The following ZNF578 variants were observed in gnomAD, a reference collection of about 807,000 sequenced individuals.
ZNF578 encodes the protein Putative chemokine-related protein B42.
ZNF578 carries 8 observed loss-of-function variants against 8.3 expected under a neutral mutation model. The observed-to-expected ratio is 0.96, with a 90% CI of 0.56 to 1.74. The LOEUF is 1.74. Ranked by LOEUF, ZNF578 falls within the 40% of genes most tolerant of loss-of-function variation. ZNF578 has a pLI of 0.00. For synonymous variants in ZNF578, 206 were observed against 232.2 expected (o/e 0.89, Z 1.03); for missense variants, 726 against 707.5 (o/e 1.03, Z -0.30).
At chr19:52,488,001 C>T (rs999481883) in intron 2 of ZNF578, among the ~76,000 whole-genome samples, 2 of 147,114 alleles carry the variant, frequency 1.4e-5, no homozygotes, top group African/African-American at 2.5e-5. Context: ...GTTGCCCAGG[C>T]TGGAGTGCGA....
chr19:52,463,445 G>C lies in ZNF578; in HGVS notation c.-122+6487G>C, dbSNP rs143578218. 1.6e-4 allele frequency among the ~76,000 whole-genome samples: 25 copies of C among 152,296 alleles called. No homozygotes were observed. The East Asian group carries it at 4.8e-3, about 29-fold the overall frequency. The stretch of plus-strand genomic sequence containing the variant: ...CAGTTCTTTGATGTGGTAATTGCCT[G>C]GCACTGAGGTAAGTCAAAATTTGGG... On this transcript the variant is annotated intron_variant, in intron 2 of 5. Transcript: ENST00000421239.
Position 52,511,137 on chromosome 19 carries a change from C to A in ZNF578, c.756C>A (p.Ile252=). ...CSSFVRKHQI[I]HLGEKQYKFD... Reference sequence around the variant, plus strand: ...CATTTGTAAGGAAACATCAGATAATCCATTTAGGAGAAAAACAATATAAAT... The same window carrying A: ...CATTTGTAAGGAAACATCAGATAATACATTTAGGAGAAAAACAATATAAAT... The change falls in exon 6 of 6, where the codon ATC becomes ATA. Residue 252 remains isoleucine (I), a synonymous_variant. Transcript: ENST00000421239. 1 of 1,614,096 alleles carries A rather than the reference C, an allele frequency of 6.2e-7. No individual in the cohort carries two copies. The highest frequency in any genetic ancestry group is 1.1e-5 in the South Asian group (1 of 91,076).
intron 2 of ZNF578, among the ~76,000 whole-genome samples, chr19:52,480,900 GATA>G (rs57989857): frequency 0.063 from 8,819 of 139,226 alleles, 280 homozygotes; most frequent in Middle Eastern, 0.085. Context: ...CATCTCAAAA[GATA>G]ATAATAATAA....
chr19:52,513,337 C>CTTTTTTTTTTTTTTTT lies in ZNF578; in HGVS notation c.*1192_*1207dup. Among the ~76,000 whole-genome samples, 1 of 101,342 alleles carries CTTTTTTTTTTTTTTTT rather than the reference C, an allele frequency of 9.9e-6. No homozygotes were observed. Among genetic ancestry groups the CTTTTTTTTTTTTTTTT allele is most frequent in the Non-Finnish European group, 2.0e-5 (1 of 51,050 alleles). The allele number at this position is 101,342 out of a possible 152,430, so 66.5% of individuals were successfully genotyped here. On this transcript the variant is annotated 3_prime_UTR_variant, in exon 6 of 6. Coordinates refer to ENST00000421239, the MANE Select transcript of ZNF578 (RefSeq NM_001099694.2). ...GCGCCTGGCATTGTTTCTTCTTTTC[C>CTTTTTTTTTTTTTTTT]TTTTTTTTTTTTTTTTTTTTTTTTG...
At chr19:52,462,645 C>T (rs2059262558) in intron 2 of ZNF578, among the ~76,000 whole-genome samples, 1 of 152,148 alleles carries the variant, frequency 6.6e-6, no homozygotes. Context: ...CTGGGTCAGC[C>T]TCTTGATGTG....
chr19:52,491,936 G>C (rs1158739422), intron 3 of ZNF578, among the ~76,000 whole-genome samples: 1 of 151,654 alleles, frequency 6.6e-6, no homozygotes, highest in Non-Finnish European at 1.5e-5. Context: ...TGAGGAGGGC[G>C]GATCACGAAG....
At chr19:52,484,311 C>T (rs907570250) in intron 2 of ZNF578, among the ~76,000 whole-genome samples, 1 of 152,168 alleles carries the variant, frequency 6.6e-6, no homozygotes, top group Non-Finnish European at 1.5e-5. Flanking sequence ...TTGCCAGGGA[C>T]GAGTGGGAGA....
At chr19:52,504,628 T>C in intron 4 of ZNF578, 27 bp from the exon 5 acceptor site, 1 of 1,613,476 alleles carries the variant, frequency 6.2e-7, no homozygotes, top group East Asian at 2.2e-5. Flanking sequence ...TCCATAATGT[T>C]TTGTTGAAAT....
intron 2 of ZNF578, among the ~76,000 whole-genome samples, chr19:52,462,945 C>T (rs1171946883): frequency 6.6e-6 from 1 of 152,146 alleles, no homozygotes; most frequent in Non-Finnish European, 1.5e-5. Context: ...CCTTCATGAA[C>T]ATTTATCTTC....
chr19:52,480,779 C>A (rs777249015), intron 2 of ZNF578, among the ~76,000 whole-genome samples: 5 of 151,736 alleles, frequency 3.3e-5, no homozygotes, highest in Admixed American at 6.6e-5. Context: ...TGCCTATAAT[C>A]CCAGCTACTC....
At chr19:52,507,206 G>A (rs1035705260) in intron 5 of ZNF578, among the ~76,000 whole-genome samples, 6 of 152,096 alleles carry the variant, frequency 3.9e-5, no homozygotes, top group Non-Finnish European at 8.8e-5. Flanking sequence ...TGGCCAACAT[G>A]GTGAAACCCC....
intron 2 of ZNF578, among the ~76,000 whole-genome samples, chr19:52,463,777 A>G (rs1162575910): frequency 2.0e-5 from 3 of 152,176 alleles, no homozygotes; most frequent in Non-Finnish European, 4.4e-5. Flanking sequence ...GGCTGAGGAA[A>G]AGTTAGTATG....
At chr19:52,478,645 A>G (rs1345293918) in intron 2 of ZNF578, among the ~76,000 whole-genome samples, 1 of 152,222 alleles carries the variant, frequency 6.6e-6, no homozygotes, top group Non-Finnish European at 1.5e-5. Flanking sequence ...AGTATGAACA[A>G]AACTCCAAGT....
At chr19:52,491,276 TTAC>T (rs2059364200) in intron 2 of ZNF578, 45 bp from the exon 3 acceptor site, 1 of 214,132 alleles carries the variant, frequency 4.7e-6, no homozygotes, top group African/African-American at 2.3e-5. Context: ...TCAGTATGAT[TTAC>T]CATCTGGACT....
At chr19:52,455,069 C>T (rs2059235083) in intron 1 of ZNF578, 3 of 152,006 alleles carry the variant, frequency 2.0e-5, no homozygotes, top group African/African-American at 7.3e-5. Flanking sequence ...TTGATGTCAT[C>T]TTCATCTCTT....
chr19:52,485,369 C>G (rs142959381), intron 2 of ZNF578, among the ~76,000 whole-genome samples: 4 of 152,146 alleles, frequency 2.6e-5, no homozygotes, highest in African/African-American at 4.8e-5. Context: ...GCTTTTGTGC[C>G]GCTTTAGCAG....
chr19:52,498,913 G>A (rs1840808469), intron 3 of ZNF578, among the ~76,000 whole-genome samples: 1 of 151,986 alleles, frequency 6.6e-6, no homozygotes, highest in African/African-American at 2.4e-5. Flanking sequence ...AGACTTCTTG[G>A]CTCAAGTGAT....
rs552276003 is a variant in ZNF578, at chr19:52,514,121, CTATT to C, written c.*1973_*1976del. On this transcript the variant is annotated 3_prime_UTR_variant, in exon 6 of 6. Transcript: ENST00000421239. ...TTCCTTCTGGTTCCTCTTCAGTTCT[CTATT>C]TATTTTTTCTTTTTTGCAGATTGAG... Among the ~76,000 whole-genome samples the C allele has an allele frequency of 1.2e-3, 180 of 152,036 alleles. No individual in the cohort carries two copies. Among genetic ancestry groups the C allele is most frequent in the Non-Finnish European group, 2.1e-3 (145 of 67,952 alleles).
intron 2 of ZNF578, among the ~76,000 whole-genome samples, chr19:52,489,168 C>A (rs2059356383): frequency 6.6e-6 from 1 of 151,264 alleles, no homozygotes; most frequent in Admixed American, 6.6e-5. Flanking sequence ...ACTCCGGAGG[C>A]TGAGGCAGGA....
Sources: allele counts gnomAD v4.1 joint callset (sites outside exome capture counted in the v4.1 genomes callset), GRCh38; gene constraint gnomAD v4.1.1; transcripts MANE v1.5; gene names NCBI Gene and HGNC (gene_info 2026-07-23, HGNC 2026-07-21).